RBM18: variants seen among roughly 807,000 people sequenced by gnomAD.
The protein encoded by RBM18 is probable RNA-binding protein 18.
RBM18 carries 18 observed loss-of-function variants against 26.4 expected under a neutral mutation model. The observed-to-expected ratio is 0.68, with a 90% CI of 0.47 to 1.01. The LOEUF (loss-of-function observed/expected upper bound fraction) is 1.01, where lower values mean the gene tolerates loss of function less well. Among genes scored for constraint, RBM18 ranks in the 50% least tolerant of loss-of-function variants. The probability of loss-of-function intolerance (pLI) is 0.00; values close to 1 mark genes in which losing one functional copy is unlikely to be tolerated. For synonymous variants in RBM18, 74 were observed against 81.1 expected, an observed-to-expected ratio of 0.91 and a Z score of 0.47; for missense variants, 180 against 219.2, an observed-to-expected ratio of 0.82 and a Z score of 1.13.
intron 2 of RBM18, among the ~76,000 whole-genome samples, chr9:122,253,646 T>C (rs1831640723): frequency 6.6e-6 from 1 of 151,422 alleles, no homozygotes; most frequent in Non-Finnish European, 1.5e-5. Context: ...CACAGCTGTA[T>C]CTTCAAATTA....
At chr9:122,256,125 T>A (rs1286149352) in intron 2 of RBM18, among the ~76,000 whole-genome samples, 1 of 152,064 alleles carries the variant, frequency 6.6e-6, no homozygotes, top group Non-Finnish European at 1.5e-5. Context: ...CCACAATGAG[T>A]TTCTTTTTCA....
chr9:122,257,228 G>A (rs7035162), intron 2 of RBM18, among the ~76,000 whole-genome samples: 70,466 of 151,388 alleles, frequency 0.47, 17,227 homozygotes, highest in East Asian at 0.84. Flanking sequence ...GGCACCATCC[G>A]CCTCCCGGGT....
Position 122,238,198 on chromosome 9 carries a change from T to C in RBM18, c.*3686A>G, listed in dbSNP as rs930515788. The C allele has an allele frequency of 2.6e-5, 4 of 152,234 alleles. No homozygotes were observed. Among genetic ancestry groups the C allele is most frequent in the Non-Finnish European group, 5.9e-5 (4 of 68,046 alleles). The allele number at this position is 152,234 out of a possible 1,614,324, so 9.4% of individuals were successfully genotyped here. A position where few individuals can be genotyped will look rare whatever the true frequency, so the allele number is the denominator to read the frequency against. ...GCCCTTTGGCTCTCAAATACCAGAA[T>C]TCTTGTAGTTTATCCAACAAATATT... On this transcript the variant is annotated 3_prime_UTR_variant, in exon 6 of 6. Coordinates refer to ENST00000417201, the MANE Select transcript of RBM18 (RefSeq NM_033117.4).
intron 2 of RBM18, among the ~76,000 whole-genome samples, chr9:122,258,781 C>T (rs529931999): frequency 1.3e-5 from 2 of 151,178 alleles, no homozygotes; most frequent in South Asian, 4.2e-4. Context: ...CTCTACAAAA[C>T]AAAAACAAAA....
chr9:122,248,380 T>A (rs544511971), intron 3 of RBM18, among the ~76,000 whole-genome samples: 2 of 152,268 alleles, frequency 1.3e-5, no homozygotes, highest in South Asian at 4.1e-4. Flanking sequence ...TAGCACCTCC[T>A]ATGTCAAGAA....
At chr9:122,252,920 G>A (rs971949822) in intron 2 of RBM18, among the ~76,000 whole-genome samples, 1 of 152,172 alleles carries the variant, frequency 6.6e-6, no homozygotes, top group East Asian at 1.9e-4. Context: ...GGTTGCTGCG[G>A]CCAATCTCAA....
rs1179312908 is a variant in RBM18 at position 122,238,825 on chromosome 9, G to A, written c.*3059C>T. The A allele has an allele frequency of 6.6e-6, 1 of 152,214 alleles. No individual in the cohort carries two copies. Among genetic ancestry groups the A allele is most frequent in the Non-Finnish European group, 1.5e-5 (1 of 68,046 alleles). The allele number at this position is 152,214 out of a possible 1,614,324, so 9.4% of individuals were successfully genotyped here. On this transcript the variant is annotated 3_prime_UTR_variant, in exon 6 of 6. Transcript: ENST00000417201. The stretch of plus-strand genomic sequence containing the variant: ...GCAGAGGCAGGGAGATAATTAGGAA[G>A]GTATTGTAATAGTCCAGGGAAGAGA...
chr9:122,251,740 A>T, intron 3 of RBM18, 107 bp downstream of exon 3: 2 of 974,038 alleles, frequency 2.1e-6, no homozygotes, highest in Non-Finnish European at 3.1e-6. Context: ...TGAATCAGAC[A>T]TGGCTCCTGC....
chr9:122,242,065 A>G (rs1831430462), intron 5 of RBM18, 22 bp from the exon 6 acceptor site: 1 of 1,613,362 alleles, frequency 6.2e-7, no homozygotes, highest in Non-Finnish European at 8.5e-7. Flanking sequence ...ATAGCAGAGG[A>G]TCAGAGTGGG....
intron 4 of RBM18, among the ~76,000 whole-genome samples, chr9:122,246,487 C>T (rs749668700): frequency 5.3e-5 from 8 of 152,138 alleles, no homozygotes; most frequent in East Asian, 1.9e-4. Flanking sequence ...AACGAGAAAA[C>T]GAGTTTGGTA....
rs141998405 is a variant in RBM18, at chr9:122,241,887, T to C, written c.570A>G (p.Arg190=). The change falls in exon 6 of 6, where the codon AGA becomes AGG. Residue 190 remains arginine, a synonymous_variant. Transcript: ENST00000417201. The stretch of plus-strand genomic sequence containing the variant: ...CTGCTACAGTAATTCACAACCATCA[T>C]CTTCGAGATTTCCATGCTGTTCTAG... ...PYSRTAWKSR[R] is the part of the protein sequence containing the mutation. 7.1e-5 allele frequency: 115 copies of C among 1,611,306 alleles called. No homozygotes were observed. Among genetic ancestry groups the C allele is most frequent in the Admixed American group, 1.3e-4 (8 of 59,306 alleles).
rs1015644787 is a variant in RBM18, at chr9:122,243,674, T to G, written c.413+1582A>C. Reference sequence around the variant, plus strand: ...GAGTATATACATGGGCTTTTGGAGATCCTCGAAAGGTATACATGGGCGAGA... The same window carrying G: ...GAGTATATACATGGGCTTTTGGAGAGCCTCGAAAGGTATACATGGGCGAGA... On this transcript the variant is annotated intron_variant, in intron 5 of 5. Coordinates refer to ENST00000417201, the MANE Select transcript of RBM18 (RefSeq NM_033117.4). 6 of 939,878 alleles carry G rather than the reference T, an allele frequency of 6.4e-6. No homozygotes were observed. The African/African-American group carries it at 8.9e-5, about 14-fold the overall frequency. The allele number at this position is 939,878 out of a possible 1,614,324, so 58.2% of individuals were successfully genotyped here. A position where few individuals can be genotyped will look rare whatever the true frequency, so the allele number is the denominator to read the frequency against.
At chr9:122,262,756 G>GT (rs1831826963) in intron 1 of RBM18, among the ~76,000 whole-genome samples, 1 of 152,024 alleles carries the variant, frequency 6.6e-6, no homozygotes, top group Admixed American at 6.6e-5. Context: ...TCTAATTTTT[G>GT]TATTTTCTTG....
rs540990007 is a variant in RBM18 at position 122,243,756 on chromosome 9, T to C, written c.413+1500A>G. The C allele has an allele frequency of 2.2e-5, 22 of 985,318 alleles. No homozygotes were observed. The Admixed American group carries it at 1.1e-3, about 50-fold the overall frequency. The allele number at this position is 985,318 out of a possible 1,614,324, so 61.0% of individuals were successfully genotyped here. Reference sequence around the variant, plus strand: ...ACTGATATATTACCGAGATGCATTCTGGCCCCTCTTCCATTAATGCCACAG... The same window carrying C: ...ACTGATATATTACCGAGATGCATTCCGGCCCCTCTTCCATTAATGCCACAG... On this transcript the variant is annotated intron_variant, in intron 5 of 5. Transcript: ENST00000417201.
rs1831358218 is a variant in RBM18 at position 122,238,154 on chromosome 9, T to C, written c.*3730A>G. On this transcript the variant is annotated 3_prime_UTR_variant, in exon 6 of 6. Transcript: ENST00000417201. ...CCCCATCTGGACAATGAGGGGGCTA[T>C]ATGAGATGGTCTCTTAAGGCCCTTT... is the stretch of plus-strand genomic sequence containing the variant. 4 of 152,336 alleles carry C rather than the reference T, an allele frequency of 2.6e-5. No homozygotes were observed. Among genetic ancestry groups the C allele is most frequent in the Middle Eastern group, 3.4e-3 (1 of 294 alleles). 9.4% of individuals were successfully genotyped at this position (152,336 alleles called of 1,614,324 possible). A position where few individuals can be genotyped will look rare whatever the true frequency, so the allele number is the denominator to read the frequency against.
Position 122,240,296 on chromosome 9 carries a change from A to G in RBM18, c.*1588T>C, listed in dbSNP as rs567815450. The G allele has an allele frequency of 2.0e-5, 3 of 152,220 alleles. No individual in the cohort carries two copies. The highest frequency in any genetic ancestry group is 4.4e-5 in the Non-Finnish European group (3 of 68,038). 9.4% of individuals were successfully genotyped at this position (152,220 alleles called of 1,614,324 possible). A position where few individuals can be genotyped will look rare whatever the true frequency, so the allele number is the denominator to read the frequency against. On this transcript the variant is annotated 3_prime_UTR_variant, in exon 6 of 6. Transcript: ENST00000417201. Reference sequence around the variant, plus strand: ...TACCTCTCTGAACTATCCCCCAAATAGGAGGAGAGTTACTTGCATCATAGA... The same window carrying G: ...TACCTCTCTGAACTATCCCCCAAATGGGAGGAGAGTTACTTGCATCATAGA...
At chr9:122,248,633 G>T (rs1831546124) in intron 3 of RBM18, among the ~76,000 whole-genome samples, 1 of 152,184 alleles carries the variant, frequency 6.6e-6, no homozygotes, top group South Asian at 2.1e-4. Flanking sequence ...ACGGTTGAAA[G>T]GAATTCCTGA....
intron 2 of RBM18, among the ~76,000 whole-genome samples, chr9:122,256,115 C>T (rs771433477): frequency 1.3e-5 from 2 of 152,136 alleles, no homozygotes; most frequent in South Asian, 4.1e-4. Context: ...TGCTAAACAC[C>T]CACAATGAGT....
intron 2 of RBM18, among the ~76,000 whole-genome samples, chr9:122,259,115 TCAATGTTCCTGC>T (rs1831745800): frequency 1.3e-5 from 2 of 152,088 alleles, no homozygotes; most frequent in South Asian, 4.1e-4. Context: ...AAGTTCTGAT[TCAATGTTCCTGC>T]CAATGTTCTA....
Sources: allele counts gnomAD v4.1 joint callset (sites outside exome capture counted in the v4.1 genomes callset), GRCh38; gene constraint gnomAD v4.1.1; transcripts MANE v1.5; gene names NCBI Gene and HGNC (gene_info 2026-07-23, HGNC 2026-07-21).